TRPM3: variants seen among roughly 807,000 people sequenced by gnomAD.
TRPM3 encodes long transient receptor potential channel 3.
Under a neutral mutation model 181.2 loss-of-function variants are expected in TRPM3, and 77 were observed. The ratio of observed to expected loss-of-function variants is 0.42; its 90% CI spans 0.35 to 0.51. TRPM3 has a LOEUF of 0.51. Among genes scored for constraint, TRPM3 ranks in the 20% least tolerant of loss-of-function variants. The pLI, the probability that TRPM3 is intolerant of heterozygous loss-of-function variation, is 0.01. For missense variants in TRPM3, 1,759 were observed against 2,196.7 expected, an observed-to-expected ratio of 0.80 and a Z score of 3.98; for synonymous variants, 745 against 796.4, an observed-to-expected ratio of 0.94 and a Z score of 1.09.
chr9:70,644,252 T>G (rs1334413208), intron 9 of TRPM3, among the ~76,000 whole-genome samples: 1 of 152,180 alleles, frequency 6.6e-6, no homozygotes, highest in East Asian at 1.9e-4. Context: ...GTAGAAGTGC[T>G]GTGAAGGAGC....
At chr9:70,898,870 G>T (rs1164993801) in intron 1 of TRPM3, among the ~76,000 whole-genome samples, 1 of 152,148 alleles carries the variant, frequency 6.6e-6, no homozygotes, top group Non-Finnish European at 1.5e-5. Context: ...ATAAAACGTG[G>T]GCTGAACTAG....
chr9:70,838,907 A>T (rs2094477085), intron 5 of TRPM3, among the ~76,000 whole-genome samples: 1 of 152,200 alleles, frequency 6.6e-6, no homozygotes, highest in Non-Finnish European at 1.5e-5. Context: ...CATCAAGATT[A>T]GTGCTGTCCC....
Position 71,006,591 on chromosome 9 carries a change from CG to C in TRPM3, c.177+114586del, listed in dbSNP as rs778260816. On this transcript the variant is annotated intron_variant, in intron 1 of 25. Coordinates refer to ENST00000677713, the MANE Select transcript of TRPM3 (RefSeq NM_001366145.2). The stretch of plus-strand genomic sequence containing the variant: ...ATATCTGATAAAATGGACTTTAAGC[CG>C]GGTATGGTGGCTCACGCCTGTAATC... Among the ~76,000 whole-genome samples the C allele has an allele frequency of 2.0e-5, 3 of 152,180 alleles. No homozygotes were observed. The South Asian group carries it at 6.2e-4, about 32-fold the overall frequency.
intron 8 of TRPM3, 94 bp downstream of exon 8, chr9:70,761,505 AAG>A (rs773308055): frequency 1.9e-6 from 3 of 1,577,780 alleles, no homozygotes; most frequent in African/African-American, 1.3e-5. Flanking sequence ...CTCGGCCAGA[AAG>A]AGAGAATGTT....
chr9:71,059,010 C>CTTTT (rs1491270019), intron 1 of TRPM3, among the ~76,000 whole-genome samples: 10 of 15,932 alleles, frequency 6.3e-4, no homozygotes, highest in African/African-American at 2.1e-3. Context: ...TTTGTTTGTT[C>CTTTT]ATTTTTTTTT....
intron 1 of TRPM3, among the ~76,000 whole-genome samples, chr9:71,232,866 T>C (rs1381011519): frequency 6.6e-6 from 1 of 152,174 alleles, no homozygotes; most frequent in Non-Finnish European, 1.5e-5. Flanking sequence ...CTCTTCTCCA[T>C]ACACCCTGCT....
rs561445124 is a variant in TRPM3 at position 71,340,606 on chromosome 9, T to G, written c.183+106047A>C. On this transcript the variant is annotated intron_variant, in intron 1 of 24. Coordinates refer to the TRPM3 transcript ENST00000357533. ...CATGATTGTGAGGACTCCCCAGCCA[T>G]GTAGAACTTTAAGTCCAATAAACCT... Among the ~76,000 whole-genome samples the G allele has an allele frequency of 5.3e-5, 8 of 152,264 alleles. No individual in the cohort carries two copies. In the South Asian group the frequency reaches 1.7e-3, roughly 32 times the overall value.
chr9:71,206,964 A>G, intron 1 of TRPM3, among the ~76,000 whole-genome samples: 1 of 152,102 alleles, frequency 6.6e-6, no homozygotes, highest in Non-Finnish European at 1.5e-5. Flanking sequence ...GCTACCTTAG[A>G]CAGTTCTCAT....
Position 71,083,804 on chromosome 9 carries a change from T to C in TRPM3, c.177+37374A>G, listed in dbSNP as rs1384944699. Among the ~76,000 whole-genome samples the C allele has an allele frequency of 2.6e-5, 4 of 151,620 alleles. No individual in the cohort carries two copies. The East Asian group carries it at 7.7e-4, about 29-fold the overall frequency. ...ACTTTCTGAATATCTCCTATGATTCTCATGGCAACCTTAAGAAACTGGCAG... is the reference window on the plus strand; with the variant it reads ...ACTTTCTGAATATCTCCTATGATTCCCATGGCAACCTTAAGAAACTGGCAG... On this transcript the variant is annotated intron_variant, in intron 1 of 25. Coordinates refer to ENST00000677713, the MANE Select transcript of TRPM3 (RefSeq NM_001366145.2).
chr9:70,587,282 G>T (rs1297092378), intron 22 of TRPM3, among the ~76,000 whole-genome samples: 2 of 152,170 alleles, frequency 1.3e-5, no homozygotes, highest in Admixed American at 6.5e-5. Context: ...CAGAGAAGCA[G>T]AAAGGAGGAC....
chr9:71,197,005 C>T (rs944807269), intron 1 of TRPM3, among the ~76,000 whole-genome samples: 3 of 152,014 alleles, frequency 2.0e-5, no homozygotes, highest in African/African-American at 4.8e-5. Flanking sequence ...TCTCCCAATG[C>T]TATCTCTCCC....
Position 71,121,471 on chromosome 9 carries a change from CT to C in TRPM3, c.-118del, listed in dbSNP as rs2073633466. ...AACCTTCTTAAAACAGCCACCTCCC[CT>C]CTCTCTGCAGCCGTGCTCATGCATA... On this transcript the variant is annotated 5_prime_UTR_variant, in exon 1 of 26. It introduces an in-frame stop codon into an upstream open reading frame of the 5' UTR. Coordinates refer to ENST00000677713, the MANE Select transcript of TRPM3 (RefSeq NM_001366145.2). 1 of 1,452,090 alleles carries C rather than the reference CT, an allele frequency of 6.9e-7. No homozygotes were observed. Among genetic ancestry groups the C allele is most frequent in the African/African-American group, 1.4e-5 (1 of 70,202 alleles). The allele number at this position is 1,452,090 out of a possible 1,614,324, so 90.0% of individuals were successfully genotyped here. A position where few individuals can be genotyped will look rare whatever the true frequency, so the allele number is the denominator to read the frequency against.
chr9:71,306,019 G>A (rs916172427), intron 1 of TRPM3, among the ~76,000 whole-genome samples: 2 of 151,922 alleles, frequency 1.3e-5, no homozygotes, highest in East Asian at 1.9e-4. Flanking sequence ...TCACATTGAC[G>A]GATCAATTCT....
At chr9:71,041,780 C>T (rs1466121497) in intron 1 of TRPM3, among the ~76,000 whole-genome samples, 1 of 152,070 alleles carries the variant, frequency 6.6e-6, no homozygotes, top group Non-Finnish European at 1.5e-5. Context: ...TGAATTAAGT[C>T]CCAAACCTGT....
intron 22 of TRPM3, among the ~76,000 whole-genome samples, chr9:70,556,153 A>G (rs2047637623): frequency 6.6e-6 from 1 of 151,616 alleles, no homozygotes; most frequent in Non-Finnish European, 1.5e-5. Context: ...TGCCATCAAC[A>G]TATTTCCAGG....
chr9:71,383,629 A>T (rs1307137794), intron 1 of TRPM3, among the ~76,000 whole-genome samples: 2 of 152,170 alleles, frequency 1.3e-5, no homozygotes, highest in African/African-American at 4.8e-5. Flanking sequence ...TAAGAGTTCA[A>T]ACTGCTTCCA....
rs2080084654 is a variant in TRPM3 at position 71,219,167 on chromosome 9, G to A, written c.183+227486C>T. On this transcript the variant is annotated intron_variant, in intron 1 of 24. Transcript: ENST00000357533. Reference sequence around the variant, plus strand: ...GTGGATCTATTTAGAATTACCAAACGTTAAAAGAAGGTTGTGTGTGTGTGT... The same window carrying A: ...GTGGATCTATTTAGAATTACCAAACATTAAAAGAAGGTTGTGTGTGTGTGT... Among the ~76,000 whole-genome samples the A allele has an allele frequency of 4.6e-5, 7 of 152,066 alleles. 1 individual carries two copies. In the South Asian group the frequency reaches 1.5e-3, roughly 32 times the overall value.
chr9:70,842,375 A>G (rs994500049), intron 5 of TRPM3, among the ~76,000 whole-genome samples: 1 of 151,452 alleles, frequency 6.6e-6, no homozygotes, highest in Non-Finnish European at 1.5e-5. Context: ...TTTTAATTCA[A>G]AGTATTTTGC....
At chr9:71,441,926 C>T (rs1027879347) in intron 1 of TRPM3, among the ~76,000 whole-genome samples, 5 of 152,100 alleles carry the variant, frequency 3.3e-5, no homozygotes, top group African/African-American at 1.2e-4. Context: ...CCACTGTGCC[C>T]GGCCTTCTTC....
Sources: allele counts gnomAD v4.1 joint callset (sites outside exome capture counted in the v4.1 genomes callset), GRCh38; gene constraint gnomAD v4.1.1; transcripts MANE v1.5; gene names NCBI Gene and HGNC (gene_info 2026-07-23, HGNC 2026-07-21).